FOXP1: variants seen among roughly 807,000 people sequenced by gnomAD.
FOXP1 encodes the protein forkhead box P1, also known as forkhead box protein P1.
Under a neutral mutation model 98.2 loss-of-function variants are expected in FOXP1, and 15 were observed. The observed-to-expected ratio is 0.15, with a 90% CI of 0.10 to 0.24. The LOEUF (loss-of-function observed/expected upper bound fraction) is 0.24. Among genes scored for constraint, FOXP1 ranks in the 10% least tolerant of loss-of-function variants. FOXP1 has a pLI of 1.00. For missense variants in FOXP1, 633 were observed against 848.5 expected, an observed-to-expected ratio of 0.75 and a Z score of 3.15; for synonymous variants, 371 against 314.5, an observed-to-expected ratio of 1.18 and a Z score of -1.90.
intron 11 of FOXP1, among the ~76,000 whole-genome samples, chr3:71,036,657 T>C (rs2047635991): frequency 1.3e-5 from 2 of 152,188 alleles, no homozygotes; most frequent in Admixed American, 1.3e-4. Flanking sequence ...GGGGATACGT[T>C]ATTTTGGATC....
intron 6 of FOXP1, chr3:71,131,071 G>C: frequency 3.3e-6 from 1 of 303,480 alleles, no homozygotes; most frequent in Non-Finnish European, 4.8e-6. Flanking sequence ...AGAAGAAGAA[G>C]AAAATTCAGA....
At chr3:71,496,958 G>GTGTGTGTGTGTGTGTGT (rs1560567239) in intron 2 of FOXP1, among the ~76,000 whole-genome samples, 1 of 139,600 alleles carries the variant, frequency 7.2e-6, no homozygotes, top group South Asian at 2.2e-4. Flanking sequence ...TGTGGTGTGT[G>GTGTGTGTGTGTGTGTGT]GAAGTGTGTG....
At position 71,363,119 on chromosome 3, in the gene FOXP1, A is replaced by C. The variant is rs1361457184; in HGVS notation, c.-167-3875T>G. Among the ~76,000 whole-genome samples the C allele has an allele frequency of 2.7e-5, 4 of 149,498 alleles. No individual in the cohort carries two copies. The East Asian group carries it at 7.7e-4, about 29-fold the overall frequency. On this transcript the variant is annotated intron_variant, in intron 3 of 20. Coordinates refer to ENST00000649528, the MANE Select transcript of FOXP1 (RefSeq NM_001349338.3). The stretch of plus-strand genomic sequence containing the variant: ...TATTCATATAATCATGATGTAAATG[A>C]ATAACTTTAAAAAAAAAAGGTGTGT...
intron 17 of FOXP1, among the ~76,000 whole-genome samples, chr3:70,974,501 G>A (rs192655946): frequency 6.6e-6 from 1 of 152,154 alleles, no homozygotes; most frequent in African/African-American, 2.4e-5. Flanking sequence ...GTCTTGCTAT[G>A]TTGCCCAGGC....
chr3:71,292,827 T>G (rs2072901337), intron 5 of FOXP1, among the ~76,000 whole-genome samples: 1 of 152,152 alleles, frequency 6.6e-6, no homozygotes, highest in African/African-American at 2.4e-5. Context: ...CCCGACCCCA[T>G]GCAAAGCCAG....
chr3:71,515,445 A>AAC (rs1302557858), intron 2 of FOXP1, among the ~76,000 whole-genome samples: 1 of 143,806 alleles, frequency 7.0e-6, no homozygotes, highest in African/African-American at 2.5e-5. Flanking sequence ...AAAAAAAAAA[A>AAC]AAAAAAAACT....
At position 71,404,115 on chromosome 3, in the gene FOXP1, T is replaced by TTTTC. The variant is rs766036443; in HGVS notation, c.-167-44872_-167-44871insGAAA. On this transcript the variant is annotated intron_variant, in intron 3 of 20. Transcript: ENST00000649528. ...CATGTATTGGGGTTTTTTTCTTTTC[T>TTTTC]TTTTCTTTTTTTTTTTTTTTTTTTT... Among the ~76,000 whole-genome samples the TTTTC allele has an allele frequency of 5.4e-3, 205 of 37,804 alleles. 2 individuals are homozygous for TTTTC. The highest frequency in any genetic ancestry group is 0.011 in the Non-Finnish European group (147 of 13,356). 24.8% of individuals were successfully genotyped at this position (37,804 alleles called of 152,430 possible). A position where few individuals can be genotyped will look rare whatever the true frequency, so the allele number is the denominator to read the frequency against.
chr3:71,559,331 G>C (rs2107721031), intron 2 of FOXP1, among the ~76,000 whole-genome samples: 1 of 152,310 alleles, frequency 6.6e-6, no homozygotes, highest in East Asian at 1.9e-4. Flanking sequence ...TGATAGAATG[G>C]ACAACTGCTA....
chr3:71,221,091 C>T (rs874408), intron 5 of FOXP1, among the ~76,000 whole-genome samples: 21,708 of 152,102 alleles, frequency 0.14, 1,597 homozygotes, highest in Non-Finnish European at 0.17. Flanking sequence ...TGTTAGGAAC[C>T]GGTCGGTAAA....
rs532992799 is a variant in FOXP1 at position 71,042,939 on chromosome 3, T to C, written c.665-1407A>G. On this transcript the variant is annotated intron_variant, in intron 10 of 20. Transcript: ENST00000649528. ...GGAGAGCACTGGTCTAATGAGGCGATGGACTCCAGAGAATCCGAGTGGTTA... is the reference window on the plus strand; with the variant it reads ...GGAGAGCACTGGTCTAATGAGGCGACGGACTCCAGAGAATCCGAGTGGTTA... Among the ~76,000 whole-genome samples the C allele has an allele frequency of 2.6e-5, 4 of 152,354 alleles. No homozygotes were observed. In the South Asian group the frequency reaches 8.3e-4, roughly 32 times the overall value.
chr3:71,325,974 T>C lies in FOXP1; in HGVS notation c.-72-26094A>G, dbSNP rs184101907. Reference sequence around the variant, plus strand: ...ACTTAGTGATAAAAATGTAATGATTTACATTCTGCTGACAGCATCCATATA... The same window carrying C: ...ACTTAGTGATAAAAATGTAATGATTCACATTCTGCTGACAGCATCCATATA... On this transcript the variant is annotated intron_variant, in intron 4 of 20. Transcript: ENST00000649528. Among the ~76,000 whole-genome samples, 4 of 152,294 alleles carry C rather than the reference T, an allele frequency of 2.6e-5. No individual in the cohort carries two copies. The East Asian group carries it at 5.8e-4, about 22-fold the overall frequency.
chr3:71,370,589 C>A (rs2107978007), intron 3 of FOXP1, among the ~76,000 whole-genome samples: 1 of 152,254 alleles, frequency 6.6e-6, no homozygotes, highest in South Asian at 2.1e-4. Flanking sequence ...CACCGGGGCA[C>A]CACTTTGCTA....
chr3:71,437,085 T>C (rs888307549), intron 3 of FOXP1, among the ~76,000 whole-genome samples: 3 of 152,182 alleles, frequency 2.0e-5, no homozygotes, highest in African/African-American at 7.2e-5. Flanking sequence ...CTCAGTCTCT[T>C]TGATCCAACA....
At chr3:71,243,920 A>G (rs2067503870) in intron 5 of FOXP1, among the ~76,000 whole-genome samples, 1 of 152,232 alleles carries the variant, frequency 6.6e-6, no homozygotes, top group Non-Finnish European at 1.5e-5. Context: ...AAATTAGAGA[A>G]GAAAATAATT....
At chr3:71,198,011 T>C in intron 6 of FOXP1, 191 bp downstream of exon 6, 6 of 1,614,224 alleles carry the variant, frequency 3.7e-6, no homozygotes, top group Non-Finnish European at 4.2e-6. Context: ...GGGCTTGAAA[T>C]TAGTCTCTTA....
At chr3:71,195,364 G>T (rs1236747424) in intron 6 of FOXP1, among the ~76,000 whole-genome samples, 7 of 152,140 alleles carry the variant, frequency 4.6e-5, no homozygotes, top group Non-Finnish European at 1.0e-4. Context: ...GGAAAGGTTT[G>T]CATTTATTTA....
At chr3:71,168,414 C>T (rs928542111) in intron 6 of FOXP1, among the ~76,000 whole-genome samples, 3 of 152,108 alleles carry the variant, frequency 2.0e-5, no homozygotes, top group African/African-American at 4.8e-5. Flanking sequence ...AAAAATTCAA[C>T]TGGAAAATTG....
At chr3:71,005,847 A>C (rs1156494988) in intron 12 of FOXP1, among the ~76,000 whole-genome samples, 5 of 152,180 alleles carry the variant, frequency 3.3e-5, no homozygotes, top group Non-Finnish European at 7.4e-5. Context: ...AGTATACAGC[A>C]CACATAAAAT....
At chr3:71,406,164 C>T (rs1305728947) in intron 3 of FOXP1, among the ~76,000 whole-genome samples, 6 of 151,936 alleles carry the variant, frequency 3.9e-5, no homozygotes, top group African/African-American at 1.4e-4. Flanking sequence ...GTAACAAATT[C>T]CTGCAAACTT....
Sources: allele counts gnomAD v4.1 joint callset (sites outside exome capture counted in the v4.1 genomes callset), GRCh38; gene constraint gnomAD v4.1.1; transcripts MANE v1.5; gene names NCBI Gene and HGNC (gene_info 2026-07-23, HGNC 2026-07-21).